Variants in GHRH observed in about 807,000 individuals in gnomAD.
GHRH encodes the protein growth hormone releasing hormone, also known as somatoliberin.
A neutral mutation model predicts 15.6 loss-of-function variants in GHRH; 7 were observed. The observed-to-expected ratio is 0.45, with a 90% CI of 0.26 to 0.84. The LOEUF is 0.84. Among genes scored for constraint, GHRH ranks in the 40% least tolerant of loss-of-function variants. The probability of loss-of-function intolerance (pLI) is 0.18; values close to 1 mark genes in which losing one functional copy is unlikely to be tolerated. For synonymous variants in GHRH, 54 were observed against 50.4 expected (o/e 1.07, Z -0.30); for missense variants, 117 against 138.0 (o/e 0.85, Z 0.76).
At chr20:37,260,212 A>G (rs909775616) in intron 1 of GHRH, among the ~76,000 whole-genome samples, 10 of 152,178 alleles carry the variant, frequency 6.6e-5, no homozygotes, top group African/African-American at 2.2e-4. Context: ...CCTGTGCCCC[A>G]GGCATAGGTC....
intron 1 of GHRH, among the ~76,000 whole-genome samples, chr20:37,259,425 C>T (rs1026727094): frequency 6.6e-6 from 1 of 152,198 alleles, no homozygotes; most frequent in Non-Finnish European, 1.5e-5. Flanking sequence ...AGCAGGGCCC[C>T]TTGACAGAAA....
chr20:37,252,840 A>AC, intron 4 of GHRH, among the ~76,000 whole-genome samples: 1 of 152,298 alleles, frequency 6.6e-6, no homozygotes, highest in Non-Finnish European at 1.5e-5. Flanking sequence ...GGAGTTCAAG[A>AC]CCAGCCTGGC....
chr20:37,260,425 CA>C (rs964596181), intron 1 of GHRH, among the ~76,000 whole-genome samples: 6 of 149,138 alleles, frequency 4.0e-5, no homozygotes, highest in Non-Finnish European at 7.4e-5. Context: ...CAAAACAAAA[CA>C]AAAAAAAACT....
intron 1 of GHRH, among the ~76,000 whole-genome samples, chr20:37,260,280 A>G (rs1240419996): frequency 6.6e-6 from 1 of 152,172 alleles, no homozygotes; most frequent in Non-Finnish European, 1.5e-5. Flanking sequence ...TGCAGATCCC[A>G]CTGGATGAAA....
At chr20:37,252,916 G>A (rs1409674397) in intron 4 of GHRH, among the ~76,000 whole-genome samples, 3 of 152,206 alleles carry the variant, frequency 2.0e-5, no homozygotes, top group Admixed American at 2.0e-4. Flanking sequence ...GCAGGCGCCT[G>A]TAATCCCAGC....
chr20:37,260,432 A>C (rs2068681810), intron 1 of GHRH, among the ~76,000 whole-genome samples: 1 of 152,048 alleles, frequency 6.6e-6, no homozygotes, highest in African/African-American at 2.4e-5. Context: ...AAACAAAAAA[A>C]AACTTATCTA....
intron 3 of GHRH, among the ~76,000 whole-genome samples, chr20:37,255,673 AAAAAAAAAAAAAAG>A (rs1323978729): frequency 1.3e-5 from 2 of 149,398 alleles, no homozygotes; most frequent in African/African-American, 5.0e-5. Context: ...AAAAAAAAAA[AAAAAAAAAAAAAAG>A]AGCTATTAAC....
At chr20:37,253,470 T>G (rs1473638172) in intron 4 of GHRH, among the ~76,000 whole-genome samples, 1 of 152,194 alleles carries the variant, frequency 6.6e-6, no homozygotes, top group East Asian at 1.9e-4. Flanking sequence ...CACGGAACCA[T>G]TTGGTGAGTA....
intron 1 of GHRH, among the ~76,000 whole-genome samples, chr20:37,259,126 T>G (rs2068674455): frequency 6.6e-6 from 1 of 152,184 alleles, no homozygotes; most frequent in Non-Finnish European, 1.5e-5. Context: ...GCCTCTACTG[T>G]TCCGGTAAGG....
At chr20:37,254,860 A>C (rs1253773075) in intron 3 of GHRH, among the ~76,000 whole-genome samples, 1 of 152,234 alleles carries the variant, frequency 6.6e-6, no homozygotes, top group African/African-American at 2.4e-5. Flanking sequence ...ACGATTCCAG[A>C]TTAAAAGAAA....
chr20:37,254,156 A>T, intron 4 of GHRH, 54 bp downstream of exon 4: 1 of 1,605,584 alleles, frequency 6.2e-7, no homozygotes, highest in South Asian at 1.1e-5. Context: ...CTGGCAAACC[A>T]CGGGGTAGGA....
chr20:37,256,628 A>C, intron 2 of GHRH, 130 bp from the exon 3 acceptor site: 1 of 734,368 alleles, frequency 1.4e-6, no homozygotes, highest in Non-Finnish European at 2.3e-6. Context: ...AGAGAGACTC[A>C]GACCCCTCTG....
rs1404602658 is a variant in GHRH, at chr20:37,258,399, G to A, written c.-19-1491C>T. ...TCCTGGGTCCTGCTGAGGAGTTCTG[G>A]CAGGCAGGGCCAGCACTGGCAGAAC... On this transcript the variant is annotated intron_variant, in intron 1 of 4. Transcript: ENST00000373614. The surrounding 1 kb of genome is among the most constrained non-coding windows in gnomAD (Gnocchi z 4.1). 1.3e-5 allele frequency among the ~76,000 whole-genome samples: 2 copies of A among 152,136 alleles called. No individual in the cohort carries two copies. The highest frequency in any genetic ancestry group is 1.3e-4 in the Admixed American group (2 of 15,272).
chr20:37,257,469 C>A (rs569156397), intron 1 of GHRH, among the ~76,000 whole-genome samples: 24 of 150,498 alleles, frequency 1.6e-4, no homozygotes, highest in African/African-American at 4.4e-4. Context: ...GAGCCAAGAT[C>A]GTCCCATGCA....
At position 37,251,105 on chromosome 20, in the gene GHRH, G is replaced by A. The variant is rs2068618372; in HGVS notation, c.*108C>T. ...AGAACATTTAAATGCACACCGGTAT[G>A]GGGGAATTTTATTGTATTTTCAAAG... On this transcript the variant is annotated 3_prime_UTR_variant, in exon 5 of 5. Transcript: ENST00000373614. The A allele has an allele frequency of 1.4e-6, 1 of 689,988 alleles. No individual in the cohort carries two copies. The highest frequency in any genetic ancestry group is 2.4e-6 in the Non-Finnish European group (1 of 410,816). The allele number at this position is 689,988 out of a possible 1,614,324, so 42.7% of individuals were successfully genotyped here.
At chr20:37,253,769 T>C (rs191419397) in intron 4 of GHRH, among the ~76,000 whole-genome samples, 1 of 152,226 alleles carries the variant, frequency 6.6e-6, no homozygotes, top group East Asian at 1.9e-4. Context: ...TTTTTTATTT[T>C]AGACAGAGTC....
chr20:37,254,319 G>T lies in GHRH; in HGVS notation c.199C>A (p.Gln67Lys). ...AGCCGTGCCCTTGCTCCTCGCTCTT[G>T]GTTGCTCTCTCTGTGTGGTTAGAAA... ...IMSRQQGESN[Q>K]ERGARARLGR... Residue 67 changes from glutamine to lysine, a missense_variant, in exon 4 of 5, where the codon CAA becomes AAA. Coordinates refer to ENST00000373614, the MANE Select transcript of GHRH (RefSeq NM_021081.6). 1 of 1,614,106 alleles carries T rather than the reference G, an allele frequency of 6.2e-7. No individual in the cohort carries two copies. The highest frequency in any genetic ancestry group is 8.5e-7 in the Non-Finnish European group (1 of 1,179,980).
chr20:37,253,298 G>A (rs538982916), intron 4 of GHRH, among the ~76,000 whole-genome samples: 6 of 152,292 alleles, frequency 3.9e-5, no homozygotes, highest in African/African-American at 1.2e-4. Context: ...TCTGCTGATC[G>A]TGTGTCTGCG....
rs186886843 is a variant in GHRH at position 37,256,913 on chromosome 20, A to G, written c.-19-5T>C. 737 of 1,563,992 alleles carry G rather than the reference A, an allele frequency of 4.7e-4. 1 individual carries two copies. The African/African-American group carries it at 6.1e-3, about 13-fold the overall frequency. ...ATCCTTCACCCGGGGTGGCACCTGC[A>G]GAGTGACAGGAGGGGAAGGTCAGGT... is the stretch of plus-strand genomic sequence containing the variant. On this transcript the variant is annotated splice_polypyrimidine_tract_variant and splice_region_variant and intron_variant, in intron 1 of 4. Coordinates refer to ENST00000373614, the MANE Select transcript of GHRH (RefSeq NM_021081.6).
Sources: allele counts gnomAD v4.1 joint callset (sites outside exome capture counted in the v4.1 genomes callset), GRCh38; gene constraint gnomAD v4.1.1; non-coding constraint Gnocchi (gnomAD v3.1); transcripts MANE v1.5; gene names NCBI Gene and HGNC (gene_info 2026-07-23, HGNC 2026-07-21).